Variants in CORO7 observed in about 807,000 individuals in gnomAD.
CORO7 encodes the protein coronin 7.
Under a neutral mutation model 126.6 loss-of-function variants are expected in CORO7, and 107 were observed. That is an observed-to-expected ratio of 0.85 (90% CI 0.72 to 0.99). The LOEUF (loss-of-function observed/expected upper bound fraction) is 0.99, where lower values mean the gene tolerates loss of function less well. Among genes scored for constraint, CORO7 ranks in the 50% least tolerant of loss-of-function variants. CORO7 has a pLI of 0.00. For missense variants in CORO7, 1,314 were observed against 1,255.8 expected (o/e 1.05, Z -0.70); for synonymous variants, 603 against 536.8 (o/e 1.12, Z -1.70).
chr16:4,410,905 C>A (rs2056181727), intron 3 of CORO7, among the ~76,000 whole-genome samples: 1 of 152,208 alleles, frequency 6.6e-6, no homozygotes, highest in Non-Finnish European at 1.5e-5. Flanking sequence ...AGGCAGCCAG[C>A]TGGATCTGGC....
intron 9 of CORO7, among the ~76,000 whole-genome samples, chr16:4,384,333 G>C (rs2055114511): frequency 6.6e-6 from 1 of 152,266 alleles, no homozygotes; most frequent in South Asian, 2.1e-4. Context: ...GGTGGGGGCA[G>C]TGATGCTGAG....
chr16:4,383,853 G>A (rs948454317), intron 9 of CORO7, among the ~76,000 whole-genome samples: 3 of 152,240 alleles, frequency 2.0e-5, no homozygotes, highest in Non-Finnish European at 4.4e-5. Flanking sequence ...CTTGTGGGTT[G>A]GTCTGATGGG....
intron 9 of CORO7, among the ~76,000 whole-genome samples, chr16:4,375,911 G>A (rs1295853000): frequency 6.6e-6 from 1 of 152,218 alleles, no homozygotes. Flanking sequence ...GTGGGAGACG[G>A]AAGCCCAGAG....
In CORO7 at chr16:4,361,379, G is replaced by A. The variant is rs781665314; in HGVS notation, c.1669C>T (p.Pro557Ser). 11 of 1,612,220 alleles carry A rather than the reference G, an allele frequency of 6.8e-6. No individual in the cohort carries two copies. In the African/African-American group the frequency reaches 1.3e-4, roughly 20 times the overall value. Residue 557 changes from proline (P) to serine (S), a missense_variant, in exon 17 of 28, where the codon CCC (proline) becomes TCC (serine). Transcript: ENST00000251166. ...VTDLAWDPFD[P>S]HRLAVAGEDA... The stretch of plus-strand genomic sequence containing the variant: ...TCCTTACCCACAGCGAGGCGATGGG[G>A]GTCAAAGGGGTCCCAGGCCAGATCA...
chr16:4,394,409 G>A (rs537933045), intron 7 of CORO7, among the ~76,000 whole-genome samples: 3 of 147,212 alleles, frequency 2.0e-5, no homozygotes, highest in South Asian at 2.1e-4. Context: ...AGATCACAAC[G>A]CTACACTCCA....
rs912070534 is a variant in CORO7 at position 4,358,249 on chromosome 16, T to C, written c.2457+118A>G. On this transcript the variant is annotated intron_variant, in intron 24 of 27. Transcript: ENST00000251166. ...GTTTCAGCATCTCAGCAGAAGGGGGTAGGTGTCCCCATGAACAATGGGTAG... is the reference window on the plus strand; with the variant it reads ...GTTTCAGCATCTCAGCAGAAGGGGGCAGGTGTCCCCATGAACAATGGGTAG... 6.4e-5 allele frequency: 97 copies of C among 1,521,978 alleles called. No homozygotes were observed. In the African/African-American group the frequency reaches 1.3e-3, roughly 20 times the overall value. 94.3% of individuals were successfully genotyped at this position (1,521,978 alleles called of 1,614,324 possible). A position where few individuals can be genotyped will look rare whatever the true frequency, so the allele number is the denominator to read the frequency against.
At chr16:4,382,867 C>T (rs759572510) in intron 9 of CORO7, 4 of 1,564,330 alleles carry the variant, frequency 2.6e-6, no homozygotes, top group Middle Eastern at 1.7e-4. Context: ...GCCTGGCCTC[C>T]AGTCACCCCT....
chr16:4,375,531 A>G (rs2054688853), intron 9 of CORO7, among the ~76,000 whole-genome samples: 1 of 152,230 alleles, frequency 6.6e-6, no homozygotes, highest in Non-Finnish European at 1.5e-5. Context: ...TCTGTCACCC[A>G]GGCTGGAGTG....
At position 4,416,505 on chromosome 16, in the gene CORO7, C is replaced by G; in HGVS notation, c.14G>C (p.Arg5Thr). The change falls in exon 1 of 28, where the codon AGG becomes ACG. Residue 5 changes from arginine to threonine, a missense_variant. Transcript: ENST00000251166. MNRF[R>T]VSKFRHTEAR... is the part of the protein sequence containing the mutation. ...CTCGGTGTGCCGGAACTTGGACACC[C>G]TGAAGCGGTTCATGGCGACGGGCAC... 1 of 1,580,570 alleles carries G rather than the reference C, an allele frequency of 6.3e-7. No individual in the cohort carries two copies. Among genetic ancestry groups the G allele is most frequent in the Non-Finnish European group, 8.6e-7 (1 of 1,166,454 alleles).
chr16:4,374,086 C>CGTGTGTGTGTGTGTGT (rs112578905), intron 9 of CORO7, among the ~76,000 whole-genome samples: 10 of 148,774 alleles, frequency 6.7e-5, no homozygotes, highest in African/African-American at 2.2e-4. Context: ...GGAGGGTGCA[C>CGTGTGTGTGTGTGTGT]GTGTGTGTGT....
At chr16:4,392,725 C>A (rs1424314309) in intron 7 of CORO7, among the ~76,000 whole-genome samples, 1 of 152,374 alleles carries the variant, frequency 6.6e-6, no homozygotes, top group African/African-American at 2.4e-5. Flanking sequence ...CGGCTCACAC[C>A]GGCCCTGGCT....
At chr16:4,356,430 T>A (rs1406693397) in intron 26 of CORO7, 3 of 151,756 alleles carry the variant, frequency 2.0e-5, no homozygotes, top group Non-Finnish European at 2.9e-5. Flanking sequence ...ATTTTTATTT[T>A]TATTTATTTA....
chr16:4,413,378 T>A lies in CORO7; in HGVS notation c.87A>T (p.Gly29=), dbSNP rs1456726473. The A allele has an allele frequency of 1.1e-5, 17 of 1,580,508 alleles. No individual in the cohort carries two copies. The highest frequency in any genetic ancestry group is 1.3e-5 in the Non-Finnish European group (15 of 1,161,992). ...RESWISDIRA[G]TAPSCRNHIK... ...TGTGGTTCCTGCATGAAGGGGCGGT[T>A]CCTGCTCGAATGTCACTGATCCAGG... The change falls in exon 2 of 28, where the codon GGA becomes GGT. Residue 29 remains glycine (G), a synonymous_variant. Transcript: ENST00000251166.
At chr16:4,413,272 T>C in intron 2 of CORO7, 36 bp downstream of exon 2, 1 of 1,545,794 alleles carries the variant, frequency 6.5e-7, no homozygotes. Context: ...TGACCGAATA[T>C]GTGAGCAAAT....
intron 11 of CORO7, 27 bp from the exon 12 acceptor site, chr16:4,364,947 G>C: frequency 1.2e-6 from 2 of 1,607,684 alleles, no homozygotes; most frequent in Non-Finnish European, 1.7e-6. Flanking sequence ...AGGGGAACAG[G>C]CAGGATGGGC....
At chr16:4,398,780 CA>C (rs2055695163) in intron 6 of CORO7, among the ~76,000 whole-genome samples, 2 of 151,974 alleles carry the variant, frequency 1.3e-5, no homozygotes, top group African/African-American at 4.8e-5. Flanking sequence ...CCAGTGTGGC[CA>C]ACATAGTGAA....
intron 3 of CORO7, 90 bp downstream of exon 3, chr16:4,412,266 C>G: frequency 7.0e-7 from 1 of 1,423,702 alleles, no homozygotes; most frequent in Non-Finnish European, 9.8e-7. Flanking sequence ...GCAAGCCATG[C>G]GGCAGTGGGA....
chr16:4,381,578 T>G (rs962746651), intron 9 of CORO7: 3 of 1,604,816 alleles, frequency 1.9e-6, no homozygotes, highest in Middle Eastern at 1.7e-4. Context: ...GTGCCACCTG[T>G]GATCCGAGGC....
chr16:4,390,330 ACCTACTTTTGAAGACGG>A (rs1280185888), intron 7 of CORO7, among the ~76,000 whole-genome samples: 1 of 151,938 alleles, frequency 6.6e-6, no homozygotes, highest in African/African-American at 2.4e-5. Context: ...GTGCTGAAGG[ACCTACTTTTGAAGACGG>A]CCACAAGGAG....
Sources: gnomAD v4.1 joint callset for allele counts (sites outside exome capture counted in the v4.1 genomes callset) on GRCh38, gnomAD v4.1.1 for gene constraint, MANE v1.5 for transcripts, NCBI Gene and HGNC (gene_info 2026-07-23, HGNC 2026-07-21) for gene names.